Variants in SORCS2 observed in about 807,000 individuals in gnomAD.
SORCS2 encodes VPS10 domain-containing receptor SorCS2.
Under a neutral mutation model 141.6 loss-of-function variants are expected in SORCS2, and 100 were observed. The ratio of observed to expected loss-of-function variants is 0.71; its 90% CI spans 0.60 to 0.83. The LOEUF is 0.83. Among genes scored for constraint, SORCS2 ranks in the 40% least tolerant of loss-of-function variants. The pLI, the probability that SORCS2 is intolerant of heterozygous loss-of-function variation, is 0.00. For missense variants in SORCS2, 1,646 were observed against 1,560.2 expected (o/e 1.05, Z -0.93); for synonymous variants, 789 against 676.9 (o/e 1.17, Z -2.57).
At chr4:7,336,181 C>T (rs1207728605) in intron 1 of SORCS2, among the ~76,000 whole-genome samples, 2 of 152,216 alleles carry the variant, frequency 1.3e-5, no homozygotes, top group Non-Finnish European at 2.9e-5. Flanking sequence ...GCTGCCCCTG[C>T]CCTGCGTCCT....
At chr4:7,349,765 G>T (rs1720834743) in intron 1 of SORCS2, among the ~76,000 whole-genome samples, 1 of 152,204 alleles carries the variant, frequency 6.6e-6, no homozygotes, top group Admixed American at 6.5e-5. Context: ...GGGTTTCAGT[G>T]CATGGGCCGG....
At chr4:7,601,563 G>A (rs904004453) in intron 3 of SORCS2, among the ~76,000 whole-genome samples, 3 of 136,062 alleles carry the variant, frequency 2.2e-5, no homozygotes, top group South Asian at 4.5e-4. Context: ...AGGTTGCAGC[G>A]AGCTGAGATC....
chr4:7,716,208 C>T (rs1001519064), intron 17 of SORCS2, among the ~76,000 whole-genome samples: 2 of 152,242 alleles, frequency 1.3e-5, no homozygotes, highest in African/African-American at 4.8e-5. Context: ...GAGAAAAGCC[C>T]TTGGGCTTGT....
chr4:7,734,821 C>T (rs1036236099), intron 25 of SORCS2, among the ~76,000 whole-genome samples: 52 of 152,350 alleles, frequency 3.4e-4, no homozygotes, highest in Admixed American at 3.3e-4. Flanking sequence ...CCATCCCTTC[C>T]CTCCCCTCGA....
chr4:7,434,963 G>A (rs1298495938), intron 2 of SORCS2: 1 of 1,441,644 alleles, frequency 6.9e-7, no homozygotes, highest in Non-Finnish European at 9.2e-7. Flanking sequence ...CCCAGAGGAG[G>A]CACGGAAGGG....
intron 11 of SORCS2, among the ~76,000 whole-genome samples, chr4:7,692,121 T>C (rs543643101): frequency 1.3e-5 from 2 of 152,326 alleles, no homozygotes; most frequent in South Asian, 4.1e-4. Flanking sequence ...GTGTCCATTG[T>C]TTCCAGCCTC....
At chr4:7,579,982 A>G (rs1263398437) in intron 3 of SORCS2, among the ~76,000 whole-genome samples, 1 of 152,134 alleles carries the variant, frequency 6.6e-6, no homozygotes, top group Non-Finnish European at 1.5e-5. Flanking sequence ...AGCATAGGCA[A>G]GGAAGTGGGG....
At chr4:7,702,703 C>G (rs536248161) in intron 12 of SORCS2, among the ~76,000 whole-genome samples, 2 of 152,390 alleles carry the variant, frequency 1.3e-5, no homozygotes, top group Admixed American at 1.3e-4. Flanking sequence ...GCACCAAGGT[C>G]TGAGCTGAGC....
Position 7,309,292 on chromosome 4 carries a change from T to C in SORCS2, c.481-86996T>C, listed in dbSNP as rs558877623. On this transcript the variant is annotated intron_variant, in intron 1 of 26. Transcript: ENST00000507866. ...TGCCACTGGTGATGGAGCTCAGGCT[T>C]CCTGACTTCTGGTCTCGTTTCCTAG... Among the ~76,000 whole-genome samples the C allele has an allele frequency of 3.9e-5, 6 of 152,324 alleles. No individual in the cohort carries two copies. The South Asian group carries it at 8.3e-4, about 21-fold the overall frequency.
Position 7,235,787 on chromosome 4 carries a change from G to A in SORCS2, c.480+42661G>A, listed in dbSNP as rs57713081. On this transcript the variant is annotated intron_variant, in intron 1 of 26. Coordinates refer to ENST00000507866, the MANE Select transcript of SORCS2 (RefSeq NM_020777.3). ...GGCAGAGAGGCTTGGAAGAGCAGGCGAGTGCTGGTTCCGTTTGCTGCAAAG... is the reference window on the plus strand; with the variant it reads ...GGCAGAGAGGCTTGGAAGAGCAGGCAAGTGCTGGTTCCGTTTGCTGCAAAG... Among the ~76,000 whole-genome samples the A allele has an allele frequency of 8.7e-3, 1,320 of 152,310 alleles. 16 individuals carry two copies. Among genetic ancestry groups the A allele is most frequent in the African/African-American group, 0.03 (1,259 of 41,564 alleles).
At chr4:7,674,863 G>C (rs1723016202) in intron 8 of SORCS2, among the ~76,000 whole-genome samples, 1 of 151,746 alleles carries the variant, frequency 6.6e-6, no homozygotes, top group East Asian at 1.9e-4. Flanking sequence ...CATGCGAAGG[G>C]AGCCATCCCC....
chr4:7,276,547 A>G (rs1483556249), intron 1 of SORCS2, among the ~76,000 whole-genome samples: 1 of 152,016 alleles, frequency 6.6e-6, no homozygotes, highest in Non-Finnish European at 1.5e-5. Flanking sequence ...AGGCCCCCTT[A>G]TTGCTGCCGC....
chr4:7,710,211 G>A (rs573586779), intron 14 of SORCS2, among the ~76,000 whole-genome samples: 1 of 152,174 alleles, frequency 6.6e-6, no homozygotes, highest in African/African-American at 2.4e-5. Flanking sequence ...CCATGTTTCT[G>A]CGCAAAGCCT....
At chr4:7,661,301 G>C (rs1722147143) in intron 5 of SORCS2, among the ~76,000 whole-genome samples, 199 bp from the exon 6 acceptor site, 2 of 151,500 alleles carry the variant, frequency 1.3e-5, no homozygotes, top group South Asian at 4.2e-4. Context: ...AACCCCCTCA[G>C]CTCACTCAAG....
chr4:7,697,129 C>A, intron 11 of SORCS2, 69 bp from the exon 12 acceptor site: 3 of 1,381,938 alleles, frequency 2.2e-6, no homozygotes, highest in Non-Finnish European at 3.0e-6. Flanking sequence ...TTTTTCCATG[C>A]TCAGACTTGT....
At chr4:7,350,157 C>T (rs557666131) in intron 1 of SORCS2, among the ~76,000 whole-genome samples, 18 of 152,292 alleles carry the variant, frequency 1.2e-4, no homozygotes, top group African/African-American at 4.3e-4. Context: ...AAAAGCACAA[C>T]CCACCCCATG....
chr4:7,409,115 T>C (rs1316827582), intron 2 of SORCS2, among the ~76,000 whole-genome samples: 1 of 152,236 alleles, frequency 6.6e-6, no homozygotes, highest in Non-Finnish European at 1.5e-5. Context: ...TGGTTCCCTG[T>C]TTGCTATTGT....
intron 1 of SORCS2, among the ~76,000 whole-genome samples, chr4:7,335,904 G>A (rs552379200): frequency 7.6e-4 from 116 of 152,340 alleles, no homozygotes; most frequent in African/African-American, 2.2e-3. Flanking sequence ...AGGGCCTACC[G>A]GTGACCTGAG....
chr4:7,279,132 A>G (rs1715699342), intron 1 of SORCS2, among the ~76,000 whole-genome samples: 1 of 152,152 alleles, frequency 6.6e-6, no homozygotes, highest in Non-Finnish European at 1.5e-5. Context: ...GAGTTCTGGA[A>G]ATACAGTTTA....
Sources: allele counts gnomAD v4.1 joint callset (sites outside exome capture counted in the v4.1 genomes callset), GRCh38; gene constraint gnomAD v4.1.1; transcripts MANE v1.5; gene names NCBI Gene and HGNC (gene_info 2026-07-23, HGNC 2026-07-21).